The following PCLAF variants were observed in gnomAD, a reference collection of about 807,000 sequenced individuals.
PCLAF encodes the protein PCNA-associated factor.
In PCLAF, 12 loss-of-function variants were observed where a neutral mutation model predicts 15.1. The observed-to-expected ratio is 0.79, with a 90% CI of 0.51 to 1.29. The LOEUF is 1.29. Among genes scored for constraint, PCLAF ranks in the 50% most tolerant of loss-of-function variants. The probability of loss-of-function intolerance (pLI) is 0.00; values close to 1 mark genes in which losing one functional copy is unlikely to be tolerated. For synonymous variants in PCLAF, 33 were observed against 47.1 expected, an observed-to-expected ratio of 0.70 and a Z score of 1.22; for missense variants, 116 against 130.9, an observed-to-expected ratio of 0.89 and a Z score of 0.56.
intron 2 of PCLAF, among the ~76,000 whole-genome samples, chr15:64,377,958 T>G (rs1160353660): frequency 6.9e-6 from 1 of 144,400 alleles, no homozygotes; most frequent in Non-Finnish European, 1.5e-5. Flanking sequence ...GGAGACAGAG[T>G]CTCACTCTGT....
chr15:64,368,412 A>G (rs558212600), intron 3 of PCLAF, among the ~76,000 whole-genome samples: 1 of 152,334 alleles, frequency 6.6e-6, no homozygotes, highest in South Asian at 2.1e-4. Flanking sequence ...AATCAAATTA[A>G]CAAATGAACA....
At position 64,372,957 on chromosome 15, in the gene PCLAF, T is replaced by C. The variant is rs558851155; in HGVS notation, c.290+3786A>G. ...ACGCCAGCCTGGGCAAGAGTGAGAC[T>C]CCTTCTCAAAACAAACAAACAAAAG... is the stretch of plus-strand genomic sequence containing the variant. On this transcript the variant is annotated intron_variant, in intron 3 of 3. Transcript: ENST00000300035. 5.9e-5 allele frequency among the ~76,000 whole-genome samples: 9 copies of C among 152,260 alleles called. No homozygotes were observed. In the East Asian group the frequency reaches 1.7e-3, roughly 29 times the overall value.
chr15:64,370,255 T>TG (rs1434621411), intron 3 of PCLAF, among the ~76,000 whole-genome samples: 14 of 150,912 alleles, frequency 9.3e-5, no homozygotes, highest in Admixed American at 4.0e-4. Context: ...TTTTTTTTTT[T>TG]TTTTTTTTTG....
chr15:64,370,473 T>C lies in PCLAF; in HGVS notation c.291-4398A>G, dbSNP rs146682369. ...ACCTCCGCCTCCCGAGTTCAAGTGA[T>C]TCTCCTGCCTCAGCCTCTGGAGTAG... On this transcript the variant is annotated intron_variant, in intron 3 of 3. Transcript: ENST00000300035. 8.4e-3 allele frequency among the ~76,000 whole-genome samples: 1,269 copies of C among 151,858 alleles called. 19 individuals are homozygous for C. The highest frequency in any genetic ancestry group is 0.029 in the African/African-American group (1,191 of 41,402).
chr15:64,380,895 TGGCAAGCCAGG>T, intron 2 of PCLAF, 52 bp downstream of exon 2: 1 of 1,394,038 alleles, frequency 7.2e-7, no homozygotes, highest in South Asian at 1.2e-5. Flanking sequence ...AAGAAATTCA[TGGCAAGCCAGG>T]GGCTTGCAGG....
intron 1 of PCLAF, 65 bp from the exon 2 acceptor site, chr15:64,381,103 C>T: frequency 1.3e-6 from 2 of 1,491,620 alleles, no homozygotes; most frequent in Non-Finnish European, 1.9e-6. Context: ...GAGTCCTGGA[C>T]CCCAGCAGCT....
rs145641128 is a variant in PCLAF at position 64,378,837 on chromosome 15, G to A, written c.128-1932C>T. 5.3e-5 allele frequency among the ~76,000 whole-genome samples: 8 copies of A among 152,038 alleles called. No individual in the cohort carries two copies. The East Asian group carries it at 7.7e-4, about 15-fold the overall frequency. On this transcript the variant is annotated intron_variant, in intron 2 of 3. Coordinates refer to ENST00000300035, the MANE Select transcript of PCLAF (RefSeq NM_014736.6). The stretch of plus-strand genomic sequence containing the variant: ...GAGGCAGAAGAATTGCTTGAACCCG[G>A]GAGGCGGAGGTTGCAGTGAGCCGAG...
intron 3 of PCLAF, among the ~76,000 whole-genome samples, chr15:64,367,791 G>T (rs932605541): frequency 6.6e-6 from 1 of 151,590 alleles, no homozygotes; most frequent in Non-Finnish European, 1.5e-5. Context: ...TTCATAATCC[G>T]CCTGCCTTGG....
chr15:64,380,314 C>T (rs1049236931), intron 2 of PCLAF, among the ~76,000 whole-genome samples: 3 of 151,822 alleles, frequency 2.0e-5, no homozygotes, highest in Non-Finnish European at 4.4e-5. Flanking sequence ...ACCCGAGAGG[C>T]GGAGGTTGCA....
rs147410992 is a variant in PCLAF at position 64,369,578 on chromosome 15, T to C, written c.291-3503A>G. On this transcript the variant is annotated intron_variant, in intron 3 of 3. Transcript: ENST00000300035. ...CTGAATAATTTCTTTTTTTTTGAGATGGAGTCTCACTTTGTTGCCCAGGCT... is the reference window on the plus strand; with the variant it reads ...CTGAATAATTTCTTTTTTTTTGAGACGGAGTCTCACTTTGTTGCCCAGGCT... Among the ~76,000 whole-genome samples the C allele has an allele frequency of 6.9e-3, 1,056 of 152,144 alleles. 17 individuals carry two copies. The highest frequency in any genetic ancestry group is 0.024 in the African/African-American group (1,011 of 41,508).
rs770404276 is a variant in PCLAF at position 64,387,400 on chromosome 15, AATT to A, written n.241+44_241+46del. ...CCGTCTCAAAATAAATAAATAAATT[AATT>A]AATTAATTAAAAAATTAAAACCACC... On this transcript the variant is annotated intron_variant and non_coding_transcript_variant, in intron 1 of 1. Coordinates refer to the PCLAF transcript ENST00000558250. 10 of 1,032,574 alleles carry A rather than the reference AATT, an allele frequency of 9.7e-6. No homozygotes were observed. In the African/African-American group the frequency reaches 1.8e-4, roughly 18 times the overall value. 64.0% of individuals were successfully genotyped at this position (1,032,574 alleles called of 1,614,324 possible).
intron 3 of PCLAF, among the ~76,000 whole-genome samples, chr15:64,370,207 G>C (rs527719305): frequency 6.6e-6 from 1 of 150,576 alleles, no homozygotes; most frequent in African/African-American, 2.5e-5. Flanking sequence ...CTCCAGAGTA[G>C]TCAGGACTAC....
At position 64,364,753 on chromosome 15, in the gene PCLAF, C is replaced by T. The variant is rs1175646079; in HGVS notation, c.*1277G>A. 2 of 149,954 alleles carry T rather than the reference C, an allele frequency of 1.3e-5. No homozygotes were observed. Among genetic ancestry groups the T allele is most frequent in the Non-Finnish European group, 3.0e-5 (2 of 67,746 alleles). The allele number at this position is 149,954 out of a possible 1,614,324, so 9.3% of individuals were successfully genotyped here. A position where few individuals can be genotyped will look rare whatever the true frequency, so the allele number is the denominator to read the frequency against. ...TCAGGCTGGAGTGCAGTGGCACAAT[C>T]TGGGCTCACTGCAACCTCCACCTCC... On this transcript the variant is annotated 3_prime_UTR_variant, in exon 4 of 4. Coordinates refer to ENST00000300035, the MANE Select transcript of PCLAF (RefSeq NM_014736.6).
intron 3 of PCLAF, among the ~76,000 whole-genome samples, chr15:64,371,665 G>A (rs1000513211): frequency 1.4e-4 from 21 of 151,970 alleles, no homozygotes; most frequent in Admixed American, 5.9e-4. Context: ...GTGCAGTGGC[G>A]CAATCTTGGC....
intron 3 of PCLAF, among the ~76,000 whole-genome samples, chr15:64,374,895 A>G (rs893034709): frequency 7.2e-5 from 11 of 151,890 alleles, no homozygotes; most frequent in African/African-American, 2.7e-4. Flanking sequence ...GAAAAAAGGA[A>G]TGAGATATTC....
At chr15:64,373,130 A>C (rs922340790) in intron 3 of PCLAF, 1 of 152,274 alleles carries the variant, frequency 6.6e-6, no homozygotes, top group African/African-American at 2.4e-5. Flanking sequence ...TATAATAAAT[A>C]GAATCATGGA....
At chr15:64,387,147 G>C (rs1230093562) in intron 1 of PCLAF, among the ~76,000 whole-genome samples, 1 of 151,972 alleles carries the variant, frequency 6.6e-6, no homozygotes, top group Non-Finnish European at 1.5e-5. Context: ...TGTGAATCTA[G>C]TAGTCGACTA....
intron 3 of PCLAF, chr15:64,373,583 T>A: frequency 6.9e-7 from 1 of 1,440,122 alleles, no homozygotes; most frequent in Non-Finnish European, 9.1e-7. Context: ...CTTTGTGGTT[T>A]CGGCTGCAGT....
chr15:64,369,818 C>T (rs1441220860), intron 3 of PCLAF, among the ~76,000 whole-genome samples: 3 of 152,032 alleles, frequency 2.0e-5, no homozygotes, highest in African/African-American at 7.2e-5. Flanking sequence ...AGTTTGTGTT[C>T]AATGAAAATC....
Sources: allele counts gnomAD v4.1 joint callset (sites outside exome capture counted in the v4.1 genomes callset), GRCh38; gene constraint gnomAD v4.1.1; transcripts MANE v1.5; gene names NCBI Gene and HGNC (gene_info 2026-07-23, HGNC 2026-07-21).